The following MACF1 variants were observed in gnomAD, a reference collection of about 807,000 sequenced individuals.
MACF1 encodes microtubule-actin cross-linking factor 1.
Under a neutral mutation model 854.8 loss-of-function variants are expected in MACF1, and 193 were observed. That is an observed-to-expected ratio of 0.23 (90% confidence interval 0.20 to 0.25). The LOEUF is 0.25. Ranked by LOEUF, MACF1 falls within the 10% of genes least tolerant of loss-of-function variation. The pLI, the probability that MACF1 is intolerant of heterozygous loss-of-function variation, is 1.00. For missense variants in MACF1, 7,722 were observed against 8,929.1 expected (o/e 0.86, Z 5.45); for synonymous variants, 3,185 against 3,226.7 (o/e 0.99, Z 0.44).
chr1:39,282,512 A>G, intron 7 of MACF1, 138 bp downstream of exon 7: 1 of 1,042,842 alleles, frequency 9.6e-7, no homozygotes, highest in South Asian at 2.0e-5. Flanking sequence ...AGAAACATTT[A>G]TTTAACTACT....
intron 2 of MACF1, chr1:39,121,021 A>G (rs922260791): frequency 3.2e-4 from 49 of 152,462 alleles, no homozygotes; most frequent in Admixed American, 2.8e-3. Flanking sequence ...CAATTTTAGT[A>G]TATGTGTTGC....
chr1:39,131,151 CTTT>C (rs34762038), intron 2 of MACF1, among the ~76,000 whole-genome samples: 1 of 42,348 alleles, frequency 2.4e-5, no homozygotes, highest in Non-Finnish European at 3.9e-5. Context: ...TGCGCCCGGC[CTTT>C]TTTTTTTTTT....
chr1:39,096,524 G>A (rs1641940514), intron 2 of MACF1, among the ~76,000 whole-genome samples: 1 of 151,324 alleles, frequency 6.6e-6, no homozygotes, highest in African/African-American at 2.4e-5. Context: ...GGGAGGCAGA[G>A]GTCGTAGTGA....
rs747024188 is a variant in MACF1 at position 39,388,169 on chromosome 1, T to C, written c.15327T>C (p.Ser5109=). The C allele has an allele frequency of 2.5e-6, 4 of 1,613,960 alleles. No homozygotes were observed. The South Asian group carries it at 3.3e-5, about 13-fold the overall frequency. ...EFLEVKQRVN[S]GCVMMENKLE... ...TCGAAGTTAAGCAAAGAGTGAACAG[T>C]GGTTGTGTGATGATGGAAAACAAGC... The change falls in exon 58 of 101, where the codon AGT becomes AGC. Residue 5109 remains serine, a synonymous_variant. Transcript: ENST00000564288.
chr1:39,474,294 C>T (rs944318208), intron 97 of MACF1, among the ~76,000 whole-genome samples: 1 of 152,002 alleles, frequency 6.6e-6, no homozygotes, highest in Non-Finnish European at 1.5e-5. Flanking sequence ...GAGGCTGAGG[C>T]AGGAGAATCG....
intron 2 of MACF1, among the ~76,000 whole-genome samples, chr1:39,085,261 G>A (rs990809280): frequency 1.3e-5 from 2 of 152,258 alleles, no homozygotes; most frequent in African/African-American, 4.8e-5. Flanking sequence ...TGTGTGGAAA[G>A]CCCTTAGCAC....
At chr1:39,302,790 C>G (rs1646076581) in intron 22 of MACF1, 134 bp from the exon 23 acceptor site, 3 of 770,952 alleles carry the variant, frequency 3.9e-6, no homozygotes, top group Admixed American at 2.9e-5. Flanking sequence ...ATCAGAAGCC[C>G]TCACTAAGTG....
intron 68 of MACF1, among the ~76,000 whole-genome samples, chr1:39,434,164 T>C (rs184554568): frequency 3.9e-5 from 6 of 152,264 alleles, no homozygotes; most frequent in Admixed American, 2.6e-4. Context: ...TTTCTTATAC[T>C]ATTTTACTGC....
intron 26 of MACF1, 50 bp from the exon 27 acceptor site, chr1:39,315,462 CT>C: frequency 6.4e-7 from 1 of 1,567,172 alleles, no homozygotes; most frequent in Non-Finnish European, 8.7e-7. Context: ...TTCTTTCTAC[CT>C]TTTTTGTTCA....
intron 28 of MACF1, among the ~76,000 whole-genome samples, 186 bp downstream of exon 28, chr1:39,316,715 A>G (rs1446672172): frequency 6.6e-6 from 1 of 152,272 alleles, no homozygotes; most frequent in African/African-American, 2.4e-5. Context: ...CTAGCTAGAA[A>G]GGGAAGAGAA....
At chr1:39,093,023 A>T (rs769849923) in intron 2 of MACF1, among the ~76,000 whole-genome samples, 1 of 151,888 alleles carries the variant, frequency 6.6e-6, no homozygotes, top group Non-Finnish European at 1.5e-5. Flanking sequence ...TGACCTCATG[A>T]TCCACCCGCC....
intron 2 of MACF1, among the ~76,000 whole-genome samples, chr1:39,147,879 T>C (rs1475905643): frequency 2.0e-5 from 3 of 152,246 alleles, no homozygotes; most frequent in Non-Finnish European, 4.4e-5. Flanking sequence ...ACCCTCGTCT[T>C]CTTTGATTTA....
intron 2 of MACF1, among the ~76,000 whole-genome samples, chr1:39,126,994 G>C (rs1007654801): frequency 9.9e-5 from 15 of 152,162 alleles, no homozygotes; most frequent in African/African-American, 3.6e-4. Flanking sequence ...CCCTTTGGGA[G>C]GGTGAGGCAG....
At chr1:39,405,413 AAG>A (rs1316566766) in intron 58 of MACF1, among the ~76,000 whole-genome samples, 1 of 152,070 alleles carries the variant, frequency 6.6e-6, no homozygotes, top group Non-Finnish European at 1.5e-5. Flanking sequence ...TTAGTCTTCC[AAG>A]AGAGAGCACC....
At chr1:39,329,192 G>A (rs1571343478) in intron 36 of MACF1, among the ~76,000 whole-genome samples, 1 of 152,152 alleles carries the variant, frequency 6.6e-6, no homozygotes, top group South Asian at 2.1e-4. Flanking sequence ...TGGGGATAGG[G>A]AATAAATAAT....
At position 39,316,493 on chromosome 1, in the gene MACF1, T is replaced by A; in HGVS notation, c.3552T>A (p.Asp1184Glu). The A allele has an allele frequency of 6.2e-7, 1 of 1,613,826 alleles. No individual in the cohort carries two copies. The highest frequency in any genetic ancestry group is 8.5e-7 in the Non-Finnish European group (1 of 1,179,822). Residue 1184 changes from aspartate (D) to glutamate (E), a missense_variant, in exon 28 of 101, where the codon GAT becomes GAA. Asp to Glu is a conservative substitution (Grantham distance 45). Around this residue, in one of 15 missense-constraint regions of MACF1, gnomAD observed 1,137 missense variants for 1,263.0 expected, o/e 0.90. Transcript: ENST00000564288. The stretch of plus-strand genomic sequence containing the variant: ...GTCAAGAAGAAGTAGTACTGGCAGA[T>A]CTCTCAGCTCTGGAGGCCCATTGGT... ...KLSQEEVVLA[D>E]LSALEAHWST...
At chr1:39,237,746 T>C (rs762934980) in intron 2 of MACF1, among the ~76,000 whole-genome samples, 4 of 151,732 alleles carry the variant, frequency 2.6e-5, no homozygotes, top group African/African-American at 4.8e-5. Context: ...AATACTGATA[T>C]TAATTAAACG....
chr1:39,359,147 C>A lies in MACF1; in HGVS notation c.12127C>A (p.Gln4043Lys). The stretch of plus-strand genomic sequence containing the variant: ...TTTTTTCATGGACAAGCAGCAGTTG[C>A]AGGAGGAATTGGCTGAGCACCAAGT... ...QEQLATTKQL[Q>K]EELAEHQVPV... is the part of the protein sequence containing the mutation. Residue 4043 changes from glutamine (Q) to lysine (K), a missense_variant, in exon 47 of 101, where the codon CAG becomes AAG. Gln to Lys is a moderately conservative substitution (Grantham distance 53). Around this residue, in one of 15 missense-constraint regions of MACF1, gnomAD observed 2,807 missense variants for 3,235.8 expected, o/e 0.87. Coordinates refer to ENST00000564288, the MANE Select transcript of MACF1 (RefSeq NM_001394062.1). The A allele has an allele frequency of 6.2e-7, 1 of 1,613,832 alleles. No homozygotes were observed. The highest frequency in any genetic ancestry group is 2.2e-5 in the East Asian group (1 of 44,876).
intron 4 of MACF1, 30 bp downstream of exon 4, chr1:39,251,971 A>C: frequency 7.0e-7 from 1 of 1,427,118 alleles, no homozygotes; most frequent in Non-Finnish European, 9.3e-7. Flanking sequence ...CCAGCATCCC[A>C]GCTGGCACTG....
Sources: allele counts gnomAD v4.1 joint callset (sites outside exome capture counted in the v4.1 genomes callset), GRCh38; gene constraint gnomAD v4.1.1; regional missense constraint gnomAD v4.1.1; transcripts MANE v1.5; gene names NCBI Gene and HGNC (gene_info 2026-07-23, HGNC 2026-07-21).